FRMD5: variants seen among roughly 807,000 people sequenced by gnomAD.
FRMD5 encodes FERM domain-containing protein 5.
A neutral mutation model predicts 69.0 loss-of-function variants in FRMD5; 20 were observed. That is an observed-to-expected ratio of 0.29 (90% CI 0.20 to 0.42). The LOEUF is 0.42. Among genes scored for constraint, FRMD5 ranks in the 10% least tolerant of loss-of-function variants. The probability of loss-of-function intolerance (pLI) is 1.00; values close to 1 mark genes in which losing one functional copy is unlikely to be tolerated. For missense variants in FRMD5, 595 were observed against 708.6 expected, an observed-to-expected ratio of 0.84 and a Z score of 1.82; for synonymous variants, 271 against 260.1, an observed-to-expected ratio of 1.04 and a Z score of -0.40.
At chr15:43,917,540 T>C (rs1018393157) in intron 4 of FRMD5, among the ~76,000 whole-genome samples, 2 of 151,904 alleles carry the variant, frequency 1.3e-5, no homozygotes, top group African/African-American at 4.8e-5. Context: ...ACAGGCGTGA[T>C]GGCCCGGCTA....
intron 1 of FRMD5, among the ~76,000 whole-genome samples, chr15:43,950,903 T>G (rs1270030720): frequency 6.6e-6 from 1 of 152,174 alleles, no homozygotes; most frequent in Non-Finnish European, 1.5e-5. Context: ...AACAGGGATA[T>G]ATAGTCTTCA....
chr15:43,875,717 G>A (rs2088324310), intron 13 of FRMD5: 4 of 489,802 alleles, frequency 8.2e-6, no homozygotes, highest in Admixed American at 3.8e-5. Flanking sequence ...GCCTCCCAAA[G>A]TGCTGGGATT....
chr15:43,896,859 G>C (rs1011907958), intron 7 of FRMD5, among the ~76,000 whole-genome samples: 7 of 152,180 alleles, frequency 4.6e-5, no homozygotes, highest in Non-Finnish European at 8.8e-5. Flanking sequence ...TCCACATGCT[G>C]TACCAGATAC....
intron 1 of FRMD5, among the ~76,000 whole-genome samples, chr15:44,142,261 A>G (rs2077285613): frequency 4.6e-5 from 7 of 152,202 alleles, no homozygotes. Flanking sequence ...CCCTTATAAG[A>G]CAAGGTAAAA....
At chr15:44,155,676 C>T (rs573805144) in intron 1 of FRMD5, among the ~76,000 whole-genome samples, 1 of 151,822 alleles carries the variant, frequency 6.6e-6, no homozygotes, top group Admixed American at 6.6e-5. Context: ...TCACTGCAAC[C>T]TCCACCTCCC....
chr15:43,937,803 T>C (rs1402889927), intron 1 of FRMD5, among the ~76,000 whole-genome samples: 1 of 151,744 alleles, frequency 6.6e-6, no homozygotes, highest in Non-Finnish European at 1.5e-5. Flanking sequence ...CCCTTTAGAG[T>C]TGTTTCAAGT....
intron 1 of FRMD5, among the ~76,000 whole-genome samples, chr15:44,051,625 C>A (rs1892670416): frequency 6.6e-6 from 1 of 151,922 alleles, no homozygotes; most frequent in Non-Finnish European, 1.5e-5. Context: ...TTTTTCTATT[C>A]TAGGATCTCA....
chr15:44,155,385 T>C (rs2077511017), intron 1 of FRMD5, among the ~76,000 whole-genome samples: 1 of 149,218 alleles, frequency 6.7e-6, no homozygotes, highest in African/African-American at 2.5e-5. Context: ...TGGGCCGAGA[T>C]CACACCACTG....
intron 1 of FRMD5, among the ~76,000 whole-genome samples, chr15:44,080,532 A>G (rs1445551021): frequency 6.6e-6 from 1 of 152,112 alleles, no homozygotes; most frequent in African/African-American, 2.4e-5. Context: ...AAGGCAGTTG[A>G]CTACTCAGAT....
intron 1 of FRMD5, among the ~76,000 whole-genome samples, chr15:43,931,976 C>G (rs2089683851): frequency 6.6e-6 from 1 of 152,154 alleles, no homozygotes; most frequent in South Asian, 2.1e-4. Context: ...AGAGTCAAGG[C>G]CCTGGTCTGC....
At chr15:44,123,890 C>T (rs2076989888) in intron 1 of FRMD5, among the ~76,000 whole-genome samples, 2 of 152,086 alleles carry the variant, frequency 1.3e-5, no homozygotes, top group African/African-American at 4.8e-5. Context: ...GCTGACTGGG[C>T]TATATTTCTA....
At chr15:44,003,401 A>T (rs1890299026) in intron 1 of FRMD5, among the ~76,000 whole-genome samples, 1 of 152,162 alleles carries the variant, frequency 6.6e-6, no homozygotes. Context: ...TCCTCTTAAC[A>T]TTCCAATGAT....
chr15:43,901,233 C>T (rs1484949358), intron 7 of FRMD5, among the ~76,000 whole-genome samples: 1 of 152,218 alleles, frequency 6.6e-6, no homozygotes, highest in East Asian at 1.9e-4. Context: ...GACACCTTAT[C>T]TCAGATCTCC....
At chr15:43,976,121 A>T (rs933439379) in intron 1 of FRMD5, among the ~76,000 whole-genome samples, 1 of 152,040 alleles carries the variant, frequency 6.6e-6, no homozygotes, top group Non-Finnish European at 1.5e-5. Flanking sequence ...ATATTAAAAA[A>T]AAAAAAACTT....
chr15:44,140,860 G>A (rs2077261256), intron 1 of FRMD5, among the ~76,000 whole-genome samples: 1 of 115,332 alleles, frequency 8.7e-6, no homozygotes. Context: ...TCTAGCCTGG[G>A]TGACAGAGTG....
intron 1 of FRMD5, among the ~76,000 whole-genome samples, chr15:43,987,937 G>A (rs111840748): frequency 0.019 from 2,873 of 152,216 alleles, 52 homozygotes; most frequent in Non-Finnish European, 0.029. Flanking sequence ...TTGTTTTCCT[G>A]CAATTATATA....
intron 4 of FRMD5, among the ~76,000 whole-genome samples, chr15:43,910,535 C>T (rs2089267299): frequency 1.4e-5 from 2 of 139,632 alleles, no homozygotes; most frequent in Non-Finnish European, 3.0e-5. Flanking sequence ...GATTGTGCTA[C>T]TGCACTCTAG....
At chr15:43,934,930 A>G (rs1236158949) in intron 1 of FRMD5, among the ~76,000 whole-genome samples, 1 of 152,174 alleles carries the variant, frequency 6.6e-6, no homozygotes, top group East Asian at 1.9e-4. Flanking sequence ...TCTTGTGTAT[A>G]AGATTGAGAA....
intron 1 of FRMD5, chr15:43,989,697 C>T: frequency 1.0e-6 from 1 of 998,730 alleles, no homozygotes; most frequent in Non-Finnish European, 1.6e-6. Context: ...TAGATGGGCA[C>T]AGTGTGGGTG....
Sources: gnomAD v4.1 joint callset for allele counts (sites outside exome capture counted in the v4.1 genomes callset) on GRCh38, gnomAD v4.1.1 for gene constraint, MANE v1.5 for transcripts, NCBI Gene and HGNC (gene_info 2026-07-23, HGNC 2026-07-21) for gene names.